The following SPOCK3 variants were observed in gnomAD, a reference collection of about 807,000 sequenced individuals.
The protein encoded by SPOCK3 is testican-3.
In SPOCK3, 30 loss-of-function variants were observed where a neutral mutation model predicts 56.6. The observed-to-expected ratio is 0.53, with a 90% CI of 0.40 to 0.72. SPOCK3 has a LOEUF of 0.72. Among genes scored for constraint, SPOCK3 ranks in the 30% least tolerant of loss-of-function variants. The probability of loss-of-function intolerance (pLI) is 0.00; values close to 1 mark genes in which losing one functional copy is unlikely to be tolerated. For synonymous variants in SPOCK3, 196 were observed against 183.3 expected (o/e 1.07, Z -0.56); for missense variants, 527 against 530.0 (o/e 0.99, Z 0.06).
intron 5 of SPOCK3, among the ~76,000 whole-genome samples, chr4:166,908,014 T>C (rs965286670): frequency 6.6e-5 from 10 of 151,900 alleles, no homozygotes; most frequent in Admixed American, 3.3e-4. Context: ...GGAAAGAAGA[T>C]AGAACAACTA....
At chr4:166,888,091 TATAAGTGGCATA>T (rs1432753508) in intron 6 of SPOCK3, among the ~76,000 whole-genome samples, 1 of 152,114 alleles carries the variant, frequency 6.6e-6, no homozygotes, top group Non-Finnish European at 1.5e-5. Flanking sequence ...TTAATACCAA[TATAAGTGGCATA>T]ACTGAAGTTT....
chr4:167,024,573 A>G (rs1751512964), intron 3 of SPOCK3, among the ~76,000 whole-genome samples: 1 of 152,078 alleles, frequency 6.6e-6, no homozygotes, highest in African/African-American at 2.4e-5. Flanking sequence ...AACTATATCA[A>G]CTAAAATATT....
chr4:166,803,368 G>C (rs11943188), intron 6 of SPOCK3, among the ~76,000 whole-genome samples: 22,356 of 152,094 alleles, frequency 0.15, 1,934 homozygotes, highest in African/African-American at 0.22. Flanking sequence ...TCAGACATTA[G>C]AGAGTACAAG....
intron 4 of SPOCK3, among the ~76,000 whole-genome samples, chr4:166,936,206 A>G (rs1055253764): frequency 6.6e-6 from 1 of 152,144 alleles, no homozygotes; most frequent in Non-Finnish European, 1.5e-5. Flanking sequence ...ATCATTTTAC[A>G]TAGGCTTGAC....
At chr4:166,931,051 A>G (rs1050791211) in intron 4 of SPOCK3, among the ~76,000 whole-genome samples, 2 of 152,004 alleles carry the variant, frequency 1.3e-5, no homozygotes, top group African/African-American at 2.4e-5. Context: ...GTGCGATCTC[A>G]GCTCACTGCA....
At position 166,794,595 on chromosome 4, in the gene SPOCK3, C is replaced by CT. The variant is rs202127967; in HGVS notation, c.590-2307dup. On this transcript the variant is annotated intron_variant, in intron 6 of 10. Transcript: ENST00000357545. ...AAAACAATTACAAATGCATCTAACC[C>CT]TTGACCCAGCAATTGTTTCTTTTTC... 9.2e-3 allele frequency among the ~76,000 whole-genome samples: 1,387 copies of CT among 150,676 alleles called. 12 individuals are homozygous for CT. The highest frequency in any genetic ancestry group is 0.014 in the Non-Finnish European group (975 of 67,766).
At chr4:166,988,528 G>T (rs1747410388) in intron 4 of SPOCK3, among the ~76,000 whole-genome samples, 1 of 152,140 alleles carries the variant, frequency 6.6e-6, no homozygotes, top group African/African-American at 2.4e-5. Context: ...TTCATCTATA[G>T]TGATACCAAG....
chr4:166,950,827 G>A (rs2150035522), intron 4 of SPOCK3, among the ~76,000 whole-genome samples: 1 of 148,976 alleles, frequency 6.7e-6, no homozygotes, highest in African/African-American at 2.6e-5. Context: ...ACCTGTTCCT[G>A]AATGACTACT....
chr4:167,161,482 C>T (rs1203588395), intron 2 of SPOCK3, among the ~76,000 whole-genome samples: 1 of 152,136 alleles, frequency 6.6e-6, no homozygotes, highest in Admixed American at 6.5e-5. Flanking sequence ...GTCAGTGTGG[C>T]AATTCCTCAG....
At chr4:167,133,408 G>C (rs1241671117) in intron 2 of SPOCK3, among the ~76,000 whole-genome samples, 1 of 152,128 alleles carries the variant, frequency 6.6e-6, no homozygotes, top group Non-Finnish European at 1.5e-5. Context: ...GTAGACTTCT[G>C]CTTCCGGAAC....
rs1263228352 is a variant in SPOCK3 at position 166,737,533 on chromosome 4, A to T, written c.1066T>A (p.Cys356Ser). The T allele has an allele frequency of 6.2e-7, 1 of 1,613,342 alleles. No individual in the cohort carries two copies. The change falls in exon 10 of 11, where the codon TGC becomes AGC. Residue 356 changes from cysteine to serine, a missense_variant. By Grantham distance (112) the Cys-to-Ser change is moderately radical (BLOSUM62 -1). Transcript: ENST00000357545. ...TTTCCATATCTGTCAACACACCAGCACTGTCCAACACTGCCATGACATTGT... is the reference window on the plus strand; with the variant it reads ...TTTCCATATCTGTCAACACACCAGCTCTGTCCAACACTGCCATGACATTGT... ...PTQCHGSVGQ[C>S]WCVDRYGNEV... is the part of the protein sequence containing the mutation.
intron 2 of SPOCK3, among the ~76,000 whole-genome samples, chr4:167,088,642 T>C (rs2150305168): frequency 6.6e-6 from 1 of 151,798 alleles, no homozygotes; most frequent in South Asian, 2.1e-4. Context: ...CTTTTGTATT[T>C]TTAGTAGAGA....
At chr4:166,970,730 A>T (rs1197801079) in intron 4 of SPOCK3, among the ~76,000 whole-genome samples, 1 of 125,502 alleles carries the variant, frequency 8.0e-6, no homozygotes, top group Non-Finnish European at 1.6e-5. Flanking sequence ...GTCAAAAAAG[A>T]AAAAGAAAAA....
rs777512049 is a variant in SPOCK3 at position 166,884,954 on chromosome 4, C to T, written c.589+4176G>A. 2.2e-4 allele frequency among the ~76,000 whole-genome samples: 33 copies of T among 151,180 alleles called. No homozygotes were observed. In the South Asian group the frequency reaches 2.5e-3, roughly 11 times the overall value. The stretch of plus-strand genomic sequence containing the variant: ...ACAGAGTTATATGAATAAGGCAAAA[C>T]GAGAAATATGATGTTACATGATTCT... On this transcript the variant is annotated intron_variant, in intron 6 of 10. Transcript: ENST00000357545.
intron 2 of SPOCK3, among the ~76,000 whole-genome samples, chr4:167,196,320 C>T (rs1422870186): frequency 6.6e-6 from 1 of 152,086 alleles, no homozygotes; most frequent in African/African-American, 2.4e-5. Flanking sequence ...AACATTAACA[C>T]GTTTGTTGTA....
chr4:167,009,798 G>T (rs1434984210), intron 3 of SPOCK3, among the ~76,000 whole-genome samples: 3 of 151,400 alleles, frequency 2.0e-5, no homozygotes, highest in Non-Finnish European at 4.4e-5. Context: ...AAATCAGAAA[G>T]GGACAAAATA....
chr4:166,942,654 A>T (rs1460165250), intron 4 of SPOCK3, among the ~76,000 whole-genome samples: 1 of 152,172 alleles, frequency 6.6e-6, no homozygotes, highest in Non-Finnish European at 1.5e-5. Context: ...GAATGTAAAT[A>T]AGCCAAAAAC....
intron 2 of SPOCK3, among the ~76,000 whole-genome samples, chr4:167,132,630 T>C (rs1193537228): frequency 6.6e-6 from 1 of 152,208 alleles, no homozygotes; most frequent in Admixed American, 6.5e-5. Flanking sequence ...ACTAGAGATG[T>C]ATTCTTATTC....
chr4:166,919,407 G>A (rs1738239319), intron 4 of SPOCK3, among the ~76,000 whole-genome samples: 1 of 152,158 alleles, frequency 6.6e-6, no homozygotes, highest in Admixed American at 6.5e-5. Flanking sequence ...GATTTTTTAA[G>A]TGGTGGGCAT....
Sources: allele counts gnomAD v4.1 joint callset (sites outside exome capture counted in the v4.1 genomes callset), GRCh38; gene constraint gnomAD v4.1.1; transcripts MANE v1.5; gene names NCBI Gene and HGNC (gene_info 2026-07-23, HGNC 2026-07-21).